Variants in RBM25 observed in about 807,000 individuals in gnomAD.
RBM25 encodes RNA binding motif protein 25, also known as RNA-binding protein 25.
A neutral mutation model predicts 120.7 loss-of-function variants in RBM25; 19 were observed. The ratio of observed to expected loss-of-function variants is 0.16; its 90% CI spans 0.11 to 0.23. RBM25 has a LOEUF of 0.23. Among genes scored for constraint, RBM25 ranks in the 10% least tolerant of loss-of-function variants. The pLI, the probability that RBM25 is intolerant of heterozygous loss-of-function variation, is 1.00. For missense variants in RBM25, 605 were observed against 1,041.5 expected, an observed-to-expected ratio of 0.58 and a Z score of 5.77; for synonymous variants, 390 against 326.7, an observed-to-expected ratio of 1.19 and a Z score of -2.09.
intron 4 of RBM25, among the ~76,000 whole-genome samples, chr14:73,083,194 G>A (rs1176583183): frequency 6.6e-6 from 1 of 151,970 alleles, no homozygotes; most frequent in East Asian, 1.9e-4. Context: ...CTAATTTTAG[G>A]CATTTAGGTT....
intron 6 of RBM25, among the ~76,000 whole-genome samples, chr14:73,096,009 G>T (rs1321195646): frequency 6.6e-6 from 1 of 152,040 alleles, no homozygotes; most frequent in Non-Finnish European, 1.5e-5. Context: ...ATGGAGTTTC[G>T]CTCTTTTGCC....
At position 73,099,427 on chromosome 14, in the gene RBM25, C is replaced by T. The variant is rs765120960; in HGVS notation, c.777C>T (p.Ile259=). The T allele has an allele frequency of 6.2e-7, 1 of 1,609,304 alleles. No homozygotes were observed. The highest frequency in any genetic ancestry group is 8.5e-7 in the Non-Finnish European group (1 of 1,178,694). The stretch of plus-strand genomic sequence containing the variant: ...CCCCACTGATCCCTTATCCACTCAT[C>T]ACTAAGGTTAGTTTAAATTGTAGGC... The part of the protein sequence containing the change: ...PVAPLIPYPL[I]TKEDINAIEM... The change falls in exon 8 of 19, where the codon ATC becomes ATT. Residue 259 remains isoleucine, a synonymous_variant. Transcript: ENST00000261973.
At chr14:73,064,283 C>G (rs890919532) in intron 1 of RBM25, among the ~76,000 whole-genome samples, 8 of 151,560 alleles carry the variant, frequency 5.3e-5, no homozygotes, top group Non-Finnish European at 1.2e-4. Context: ...CATGGCAAAA[C>G]ACATAAACCT....
At chr14:73,070,758 C>T (rs1162517968) in intron 1 of RBM25, among the ~76,000 whole-genome samples, 1 of 151,960 alleles carries the variant, frequency 6.6e-6, no homozygotes, top group East Asian at 1.9e-4. Context: ...ACCATCTTGG[C>T]CAACATGGTG....
At chr14:73,118,486 A>C (rs1896479720) in intron 18 of RBM25, among the ~76,000 whole-genome samples, 1 of 152,104 alleles carries the variant, frequency 6.6e-6, no homozygotes, top group Non-Finnish European at 1.5e-5. Context: ...CCAGAAAAAA[A>C]AAAAAAAAGT....
At chr14:73,067,679 C>G (rs1895172947) in intron 1 of RBM25, among the ~76,000 whole-genome samples, 2 of 150,780 alleles carry the variant, frequency 1.3e-5, no homozygotes, top group African/African-American at 4.9e-5. Flanking sequence ...TCTTGGCTCA[C>G]TGCAAGCTCC....
Position 73,122,740 on chromosome 14 carries a change from G to A in RBM25, c.*2935G>A. The A allele has an allele frequency of 6.6e-6, 1 of 152,156 alleles. No homozygotes were observed. The allele number at this position is 152,156 out of a possible 1,614,324, so 9.4% of individuals were successfully genotyped here. A position where few individuals can be genotyped will look rare whatever the true frequency, so the allele number is the denominator to read the frequency against. ...ACTTTAATGTGACCCCAAATCATCT[G>A]AGGAGTGCTTGTAGAAATAGAGACA... On this transcript the variant is annotated 3_prime_UTR_variant, in exon 19 of 19. Transcript: ENST00000261973.
rs771807073 is a variant in RBM25 at position 73,083,446 on chromosome 14, T to C, written c.325-48T>C. 36 of 1,413,590 alleles carry C rather than the reference T, an allele frequency of 2.5e-5. No individual in the cohort carries two copies. The South Asian group carries it at 4.9e-4, about 19-fold the overall frequency. 87.6% of individuals were successfully genotyped at this position (1,413,590 alleles called of 1,614,324 possible). On this transcript the variant is annotated intron_variant, in intron 4 of 18. Coordinates refer to ENST00000261973, the MANE Select transcript of RBM25 (RefSeq NM_021239.3). ...ATTTTGCTTTTAGTTACATTAAAAA[T>C]TATTTTGTTAAATGGTAGCAATCTG...
At chr14:73,107,950 T>G in intron 13 of RBM25, 51 bp downstream of exon 13, 1 of 1,276,566 alleles carries the variant, frequency 7.8e-7, no homozygotes, top group South Asian at 1.3e-5. Context: ...ATTAGCTGTG[T>G]TTTTCCATCT....
chr14:73,063,023 T>G (rs955907941), intron 1 of RBM25, among the ~76,000 whole-genome samples: 2 of 151,212 alleles, frequency 1.3e-5, no homozygotes, highest in Non-Finnish European at 3.0e-5. Flanking sequence ...GGTTTCACCA[T>G]GTCGCCCAGG....
chr14:73,115,543 T>C (rs930863694), intron 18 of RBM25, among the ~76,000 whole-genome samples: 1 of 152,214 alleles, frequency 6.6e-6, no homozygotes, highest in African/African-American at 2.4e-5. Flanking sequence ...TATGTGCTGC[T>C]TTTTGGACAG....
intron 18 of RBM25, among the ~76,000 whole-genome samples, chr14:73,114,721 C>T (rs1594937747): frequency 6.6e-6 from 1 of 152,198 alleles, no homozygotes; most frequent in Admixed American, 6.5e-5. Flanking sequence ...TGGTGAAACC[C>T]CGTCTCTATG....
intron 6 of RBM25, among the ~76,000 whole-genome samples, chr14:73,090,300 C>G (rs1024920476): frequency 1.3e-5 from 2 of 152,112 alleles, no homozygotes; most frequent in Non-Finnish European, 1.5e-5. Flanking sequence ...ATCCACCCAC[C>G]TCGGCCTCTC....
intron 2 of RBM25, among the ~76,000 whole-genome samples, chr14:73,074,401 T>A (rs988675566): frequency 4.6e-5 from 7 of 151,994 alleles, no homozygotes; most frequent in Non-Finnish European, 1.0e-4. Context: ...CGTTTTTCGA[T>A]GGGCCTTACC....
intron 5 of RBM25, among the ~76,000 whole-genome samples, chr14:73,083,886 A>T (rs896750321): frequency 6.6e-6 from 1 of 151,016 alleles, no homozygotes; most frequent in Non-Finnish European, 1.5e-5. Flanking sequence ...AGAGACAATC[A>T]TGGCCTGTTA....
intron 2 of RBM25, among the ~76,000 whole-genome samples, chr14:73,072,523 C>T (rs1895320115): frequency 6.6e-6 from 1 of 152,176 alleles, no homozygotes; most frequent in Non-Finnish European, 1.5e-5. Context: ...GACCCTGCTC[C>T]ATCCCCCTGA....
chr14:73,113,995 T>C (rs529650890), intron 17 of RBM25, among the ~76,000 whole-genome samples: 1 of 152,200 alleles, frequency 6.6e-6, no homozygotes, highest in Admixed American at 6.5e-5. Context: ...TCTTTTGATA[T>C]TATGAACAGT....
chr14:73,086,225 G>A lies in RBM25; in HGVS notation c.383-1776G>A, dbSNP rs193104114. 4.9e-4 allele frequency among the ~76,000 whole-genome samples: 75 copies of A among 151,848 alleles called. No individual in the cohort carries two copies. In the Middle Eastern group the frequency reaches 0.01, roughly 21 times the overall value. On this transcript the variant is annotated intron_variant, in intron 5 of 18. Transcript: ENST00000261973. The stretch of plus-strand genomic sequence containing the variant: ...CACTTTGGGAGGCTGAGGCAGGCGG[G>A]TCAAGAGATCAAGACCATCCTGGCC...
intron 1 of RBM25, chr14:73,068,183 G>T: frequency 1.2e-6 from 1 of 849,652 alleles, no homozygotes; most frequent in South Asian, 1.3e-5. Flanking sequence ...CTCTTGATAT[G>T]TGGAAAGCCT....
Sources: allele counts gnomAD v4.1 joint callset (sites outside exome capture counted in the v4.1 genomes callset), GRCh38; gene constraint gnomAD v4.1.1; transcripts MANE v1.5; gene names NCBI Gene and HGNC (gene_info 2026-07-23, HGNC 2026-07-21).